SKI: variants seen among roughly 807,000 people sequenced by gnomAD.
SKI encodes the protein ski oncogene.
Under a neutral mutation model 59.3 loss-of-function variants are expected in SKI, and 23 were observed. The observed-to-expected ratio is 0.39, with a 90% confidence interval of 0.28 to 0.55. SKI has a LOEUF of 0.55. Among genes scored for constraint, SKI ranks in the 20% least tolerant of loss-of-function variants. The probability of loss-of-function intolerance (pLI) is 0.67; values close to 1 mark genes in which losing one functional copy is unlikely to be tolerated. For missense variants in SKI, 1,017 were observed against 1,038.9 expected, an observed-to-expected ratio of 0.98 and a Z score of 0.29; for synonymous variants, 673 against 488.6, an observed-to-expected ratio of 1.38 and a Z score of -4.98.
intron 1 of SKI, among the ~76,000 whole-genome samples, chr1:2,292,460 G>C (rs1183742967): frequency 6.6e-6 from 1 of 152,164 alleles, no homozygotes; most frequent in Non-Finnish European, 1.5e-5. Flanking sequence ...GCCAGGCTGG[G>C]GTCACACTCA....
chr1:2,274,861 G>A (rs899166523), intron 1 of SKI, among the ~76,000 whole-genome samples: 1 of 152,218 alleles, frequency 6.6e-6, no homozygotes, highest in East Asian at 1.9e-4. Flanking sequence ...CGGCCGCCAC[G>A]GCCCCCTCCT....
intron 1 of SKI, among the ~76,000 whole-genome samples, chr1:2,252,307 T>A (rs1639169895): frequency 6.6e-6 from 1 of 152,184 alleles, no homozygotes; most frequent in Non-Finnish European, 1.5e-5. Flanking sequence ...GGGTTTGCTG[T>A]GGCCTGGCTC....
intron 1 of SKI, among the ~76,000 whole-genome samples, chr1:2,252,129 G>A (rs533484142): frequency 6.6e-6 from 1 of 152,242 alleles, no homozygotes; most frequent in Non-Finnish European, 1.5e-5. Context: ...AGGAGGAACC[G>A]AGGGCAGGTA....
chr1:2,306,496 A>AG (rs1487003022), intron 6 of SKI, 81 bp from the exon 7 acceptor site: 2 of 1,407,398 alleles, frequency 1.4e-6, no homozygotes, highest in African/African-American at 1.4e-5. Flanking sequence ...GGAGCGGCGC[A>AG]GGAGCCTCGG....
intron 1 of SKI, among the ~76,000 whole-genome samples, chr1:2,299,874 T>A (rs1459949893): frequency 1.3e-5 from 2 of 152,198 alleles, no homozygotes; most frequent in Middle Eastern, 6.8e-3. Context: ...TTGGAGAGCG[T>A]CTTTTCTGAG....
chr1:2,289,236 C>T (rs546651302), intron 1 of SKI, among the ~76,000 whole-genome samples: 208 of 152,264 alleles, frequency 1.4e-3, no homozygotes, highest in African/African-American at 4.9e-3. Flanking sequence ...CTCAGAGACC[C>T]GGAGGTGGCC....
rs577838441 is a variant in SKI, at chr1:2,287,212, G to A, written c.970-15766G>A. 2.0e-5 allele frequency among the ~76,000 whole-genome samples: 3 copies of A among 152,250 alleles called. No individual in the cohort carries two copies. The South Asian group carries it at 6.2e-4, about 32-fold the overall frequency. ...GGCCGTGCGGGGCTCCAGGGCGCCTGGAGACTGCCATTTTGTGTGGGAAGG... is the reference window on the plus strand; with the variant it reads ...GGCCGTGCGGGGCTCCAGGGCGCCTAGAGACTGCCATTTTGTGTGGGAAGG... On this transcript the variant is annotated intron_variant, in intron 1 of 6. Coordinates refer to ENST00000378536, the MANE Select transcript of SKI (RefSeq NM_003036.4).
At chr1:2,232,383 C>T (rs1018867965) in intron 1 of SKI, 1 of 152,182 alleles carries the variant, frequency 6.6e-6, no homozygotes, top group African/African-American at 2.4e-5. Flanking sequence ...CACTCTCCTA[C>T]CCATGGTGGG....
intron 1 of SKI, among the ~76,000 whole-genome samples, chr1:2,245,049 T>C (rs1638962738): frequency 6.6e-6 from 1 of 152,196 alleles, no homozygotes; most frequent in Non-Finnish European, 1.5e-5. Flanking sequence ...TTCACCCACC[T>C]TCCCAGGCTC....
At chr1:2,262,866 T>C (rs1639417953) in intron 1 of SKI, among the ~76,000 whole-genome samples, 1 of 152,184 alleles carries the variant, frequency 6.6e-6, no homozygotes, top group Admixed American at 6.5e-5. Context: ...TCAGTCGTGA[T>C]GTATTATTAT....
intron 1 of SKI, among the ~76,000 whole-genome samples, chr1:2,279,336 G>A (rs370118580): frequency 1.1e-4 from 16 of 152,132 alleles, no homozygotes; most frequent in African/African-American, 3.9e-4. Context: ...GACGGTGGGC[G>A]TCCTTTCCAG....
Position 2,289,339 on chromosome 1 carries a change from G to T in SKI, c.970-13639G>T, listed in dbSNP as rs924380718. On this transcript the variant is annotated intron_variant, in intron 1 of 6. Coordinates refer to ENST00000378536, the MANE Select transcript of SKI (RefSeq NM_003036.4). Reference sequence around the variant, plus strand: ...CTTCGGTGAGGGTGGCAGGCGGCCAGATGCCCATTACAGGCCACCTCTCCT... The same window carrying T: ...CTTCGGTGAGGGTGGCAGGCGGCCATATGCCCATTACAGGCCACCTCTCCT... Among the ~76,000 whole-genome samples, 10 of 152,288 alleles carry T rather than the reference G, an allele frequency of 6.6e-5. No homozygotes were observed. The East Asian group carries it at 1.9e-3, about 29-fold the overall frequency.
intron 1 of SKI, among the ~76,000 whole-genome samples, chr1:2,288,417 C>T (rs377077943): frequency 6.6e-6 from 1 of 152,226 alleles, no homozygotes; most frequent in African/African-American, 2.4e-5. Flanking sequence ...CCACTGTGCC[C>T]AGCAGGGCTG....
Position 2,229,371 on chromosome 1 carries a change from A to C in SKI, c.605A>C (p.Glu202Ala), listed in dbSNP as rs977288994. 6.2e-7 allele frequency: 1 copy of C among 1,601,182 alleles called. No homozygotes were observed. The stretch of plus-strand genomic sequence containing the variant: ...GCCTACCCGCCGCCCTGCAAGAAGG[A>C]GCTGGCCGCCAGCCTGGCGCTGGGC... ...GGAYPPPCKK[E>A]LAASLALGLE... The change falls in exon 1 of 7, where the codon GAG becomes GCG. Residue 202 changes from glutamate (E) to alanine (A), a missense_variant. Physicochemically the swap from Glu to Ala is moderately radical, Grantham distance 107 (BLOSUM62 -1). Transcript: ENST00000378536. The surrounding 1 kb of genome is among the most constrained non-coding windows in gnomAD (Gnocchi z 6.3).
At chr1:2,240,428 A>G (rs1239531114) in intron 1 of SKI, 1 of 949,752 alleles carries the variant, frequency 1.1e-6, no homozygotes, top group Non-Finnish European at 1.3e-6. Context: ...CTGAACTGCC[A>G]GAAGCACTTG....
rs759323347 is a variant in SKI, at chr1:2,304,533, A to G, written c.1715A>G (p.Lys572Arg). ...CATGAGGTGGTCAAGATGCGCGTGA[A>G]GCAGGAGGAGAAGCTCAGCGCAGCC... The part of the protein sequence containing the change: ...FLHEVVKMRV[K>R]QEEKLSAALQ... The change falls in exon 5 of 7, where the codon AAG (lysine) becomes AGG (arginine). Residue 572 changes from lysine (K) to arginine (R), a missense_variant. Transcript: ENST00000378536. 1.3e-6 allele frequency: 2 copies of G among 1,580,232 alleles called. No homozygotes were observed. The highest frequency in any genetic ancestry group is 3.6e-5 in the Admixed American group (2 of 55,584).
At chr1:2,280,035 A>T (rs1393639341) in intron 1 of SKI, among the ~76,000 whole-genome samples, 2 of 152,290 alleles carry the variant, frequency 1.3e-5, no homozygotes, top group South Asian at 4.1e-4. Flanking sequence ...TGGGTGCGCG[A>T]AAATTCTGAG....
At chr1:2,236,409 C>G (rs1018724045) in intron 1 of SKI, among the ~76,000 whole-genome samples, 1 of 152,016 alleles carries the variant, frequency 6.6e-6, no homozygotes, top group African/African-American at 2.4e-5. Context: ...CTCACTGTTT[C>G]ACCATTTTTT....
chr1:2,283,304 C>T (rs6678142), intron 1 of SKI, among the ~76,000 whole-genome samples: 64,384 of 152,074 alleles, frequency 0.42, 13,958 homozygotes, highest in South Asian at 0.57. Flanking sequence ...GTTGCTGGCC[C>T]AGGGCCTGTC....
Sources: allele counts gnomAD v4.1 joint callset (sites outside exome capture counted in the v4.1 genomes callset), GRCh38; gene constraint gnomAD v4.1.1; non-coding constraint Gnocchi (gnomAD v3.1); transcripts MANE v1.5; gene names NCBI Gene and HGNC (gene_info 2026-07-23, HGNC 2026-07-21).